Variants in GRXCR2 observed in about 807,000 individuals in gnomAD.
The protein encoded by GRXCR2 is glutaredoxin and cysteine rich domain containing 2, also known as glutaredoxin domain-containing cysteine-rich protein 2.
In GRXCR2, 23 loss-of-function variants were observed where a neutral mutation model predicts 24.8. That is an observed-to-expected ratio of 0.93 (90% CI 0.67 to 1.32). The LOEUF (loss-of-function observed/expected upper bound fraction) is 1.32, where lower values mean the gene tolerates loss of function less well. Ranked by LOEUF, GRXCR2 falls within the 40% of genes most tolerant of loss-of-function variation. GRXCR2 has a pLI of 0.00. For synonymous variants in GRXCR2, 130 were observed against 116.1 expected (o/e 1.12, Z -0.77); for missense variants, 315 against 303.4 (o/e 1.04, Z -0.28).
intron 2 of GRXCR2, among the ~76,000 whole-genome samples, chr5:145,889,200 GAAA>G (rs1756824693): frequency 6.8e-6 from 1 of 146,064 alleles, no homozygotes; most frequent in Non-Finnish European, 1.5e-5. Flanking sequence ...AAGAAAGAAA[GAAA>G]GAAAGAAAGA....
intron 2 of GRXCR2, among the ~76,000 whole-genome samples, chr5:145,898,076 G>A (rs1283609987): frequency 6.6e-6 from 1 of 151,888 alleles, no homozygotes; most frequent in Non-Finnish European, 1.5e-5. Context: ...TAGCTAGGTT[G>A]ACAGAGAGAA....
At chr5:145,919,094 C>T (rs993163984) in intron 2 of GRXCR2, among the ~76,000 whole-genome samples, 1 of 152,316 alleles carries the variant, frequency 6.6e-6, no homozygotes, top group South Asian at 2.1e-4. Context: ...GGGCAGACTC[C>T]TCATTAGAGC....
At chr5:145,915,250 A>T (rs1757220361) in intron 2 of GRXCR2, among the ~76,000 whole-genome samples, 3 of 152,250 alleles carry the variant, frequency 2.0e-5, no homozygotes, top group Admixed American at 1.3e-4. Context: ...ATTCCTGTGC[A>T]CTCATTACAG....
At chr5:145,898,287 T>TA (rs35725132) in intron 2 of GRXCR2, among the ~76,000 whole-genome samples, 3,073 of 138,556 alleles carry the variant, frequency 0.022, 39 homozygotes, top group Middle Eastern at 0.05. Context: ...AATCAGTAAT[T>TA]AAAAAAAAAA....
intron 2 of GRXCR2, among the ~76,000 whole-genome samples, chr5:145,889,175 A>AGAAAGAAG (rs1756822161): frequency 1.2e-5 from 1 of 83,570 alleles, no homozygotes; most frequent in African/African-American, 4.6e-5. Flanking sequence ...TCTCAAAAAA[A>AGAAAGAAG]GAAAGAAAGA....
At chr5:145,917,901 TC>T (rs1237599930) in intron 2 of GRXCR2, among the ~76,000 whole-genome samples, 1 of 152,188 alleles carries the variant, frequency 6.6e-6, no homozygotes, top group African/African-American at 2.4e-5. Context: ...TGCCTCAGCC[TC>T]CCAAGTAGCT....
chr5:145,891,041 G>A (rs915155751), intron 2 of GRXCR2, among the ~76,000 whole-genome samples: 4 of 152,072 alleles, frequency 2.6e-5, no homozygotes, highest in African/African-American at 7.2e-5. Flanking sequence ...AAATGACAAA[G>A]GGTTCAATTC....
chr5:145,918,558 A>G (rs1248706906), intron 2 of GRXCR2, among the ~76,000 whole-genome samples: 2 of 152,220 alleles, frequency 1.3e-5, no homozygotes, highest in African/African-American at 4.8e-5. Context: ...GGGAAAGGTC[A>G]AAGTGTCCAG....
intron 2 of GRXCR2, among the ~76,000 whole-genome samples, chr5:145,861,601 C>A (rs2195929): frequency 2.0e-5 from 3 of 152,102 alleles, no homozygotes; most frequent in East Asian, 1.9e-4. Flanking sequence ...GTTGATTAGA[C>A]AGGGAGCTCT....
At chr5:145,878,838 C>G (rs1268533709) in intron 2 of GRXCR2, among the ~76,000 whole-genome samples, 1 of 152,238 alleles carries the variant, frequency 6.6e-6, no homozygotes, top group Non-Finnish European at 1.5e-5. Context: ...ATCAGACAAA[C>G]AGTGGATCTC....
At chr5:145,908,081 G>T (rs1757115313) in intron 2 of GRXCR2, among the ~76,000 whole-genome samples, 1 of 152,154 alleles carries the variant, frequency 6.6e-6, no homozygotes, top group Admixed American at 6.5e-5. Context: ...AGATGCTCTA[G>T]CTGTTTTACC....
intron 2 of GRXCR2, among the ~76,000 whole-genome samples, chr5:145,879,311 G>A (rs1366758396): frequency 8.1e-5 from 12 of 148,522 alleles, no homozygotes; most frequent in Admixed American, 7.6e-4. Context: ...CTCACGTGCA[G>A]AGACACACAT....
At chr5:145,912,879 G>A (rs922966351) in intron 2 of GRXCR2, among the ~76,000 whole-genome samples, 2 of 152,150 alleles carry the variant, frequency 1.3e-5, no homozygotes, top group Non-Finnish European at 2.9e-5. Context: ...TGCGGGCCTG[G>A]TATAGGTTTT....
chr5:145,929,225 C>T (rs1366250800), intron 2 of GRXCR2, among the ~76,000 whole-genome samples: 1 of 79,482 alleles, frequency 1.3e-5, no homozygotes, highest in African/African-American at 6.2e-5. Context: ...ATATATATAT[C>T]ACCATTTATT....
chr5:145,905,497 G>T (rs1757079728), intron 2 of GRXCR2, among the ~76,000 whole-genome samples: 1 of 151,966 alleles, frequency 6.6e-6, no homozygotes, highest in Non-Finnish European at 1.5e-5. Flanking sequence ...CTGCCTGTAT[G>T]GTGTAGAGGG....
chr5:145,929,205 A>ATATATATATATATATATC lies in GRXCR2; in HGVS notation c.-70+6495_-70+6496insGATATATATATATATATA, dbSNP rs949855504. Among the ~76,000 whole-genome samples the ATATATATATATATATATC allele has an allele frequency of 3.5e-5, 5 of 141,794 alleles. 1 individual carries two copies. The highest frequency in any genetic ancestry group is 1.3e-4 in the African/African-American group (5 of 39,360). 93.0% of individuals were successfully genotyped at this position (141,794 alleles called of 152,430 possible). Reference sequence around the variant, plus strand: ...AGTTGTATAATATTCCCCCCTATATATATATATATATATATATATCACCAT... The same window carrying ATATATATATATATATATC: ...AGTTGTATAATATTCCCCCCTATATATATATATATATATATATCTATATATATATATATATATCACCAT... On this transcript the variant is annotated intron_variant, in intron 2 of 3. Coordinates refer to the GRXCR2 transcript ENST00000639411.
chr5:145,914,537 G>A (rs541051246), intron 2 of GRXCR2, among the ~76,000 whole-genome samples: 72 of 151,856 alleles, frequency 4.7e-4, no homozygotes, highest in Non-Finnish European at 6.9e-4. Context: ...TTAACCAGGC[G>A]TGGTGGTGTG....
chr5:145,872,195 T>A (rs1053237918), intron 1 of GRXCR2, among the ~76,000 whole-genome samples: 1 of 151,272 alleles, frequency 6.6e-6, no homozygotes, highest in African/African-American at 2.4e-5. Context: ...GCAATAGGGG[T>A]AAAAAACAAG....
upstream of GRXCR2, among the ~76,000 whole-genome samples, chr5:145,874,686 T>A (rs957346314): frequency 5.3e-5 from 8 of 152,232 alleles, no homozygotes; most frequent in African/African-American, 1.9e-4. Flanking sequence ...AATCCACAGG[T>A]GTCAGTCTCT....
Sources: allele counts gnomAD v4.1 joint callset (sites outside exome capture counted in the v4.1 genomes callset), GRCh38; gene constraint gnomAD v4.1.1; transcripts MANE v1.5; gene names NCBI Gene and HGNC (gene_info 2026-07-23, HGNC 2026-07-21).